The following AMBN variants were observed in gnomAD, a reference collection of about 807,000 sequenced individuals.
AMBN encodes enamel matrix protein.
In AMBN, 54 loss-of-function variants were observed where a neutral mutation model predicts 48.0. That is an observed-to-expected ratio of 1.12 (90% CI 0.90 to 1.41). AMBN has a LOEUF of 1.41. Ranked by LOEUF, AMBN falls within the 40% of genes most tolerant of loss-of-function variation. The probability of loss-of-function intolerance (pLI) is 0.00; values close to 1 mark genes in which losing one functional copy is unlikely to be tolerated. For missense variants in AMBN, 571 were observed against 547.3 expected (o/e 1.04, Z -0.43); for synonymous variants, 186 against 190.0 (o/e 0.98, Z 0.17).
intron 9 of AMBN, 72 bp from the exon 10 acceptor site, chr4:70,603,188 A>G: frequency 6.7e-7 from 1 of 1,485,490 alleles, no homozygotes; most frequent in South Asian, 1.2e-5. Flanking sequence ...AATGTGTTTC[A>G]TATACCTCAA....
In AMBN at chr4:70,599,601, T is replaced by G; in HGVS notation, c.249T>G (p.His83Gln). The G allele has an allele frequency of 6.2e-7, 1 of 1,613,698 alleles. No individual in the cohort carries two copies. Among genetic ancestry groups the G allele is most frequent in the East Asian group, 2.2e-5 (1 of 44,810 alleles). ...GGATGCACGGTCTCCTCCCACCACA[T>G]TCCTCTCTTCCATGGATGAGGCCAA... is the stretch of plus-strand genomic sequence containing the variant. Reference protein sequence around the residue: ...SLWMHGLLPPHSSLPWMRPRE... With the variant: ...SLWMHGLLPPQSSLPWMRPRE... The change falls in exon 5 of 13, where the codon CAT (histidine) becomes CAG (glutamine). Residue 83 changes from histidine (H) to glutamine (Q), a missense_variant. By Grantham distance (24) the His-to-Gln change is conservative (BLOSUM62 0). Transcript: ENST00000322937.
intron 11 of AMBN, 47 bp from the exon 12 acceptor site, chr4:70,603,830 A>G (rs1224388572): frequency 1.2e-6 from 2 of 1,602,544 alleles, no homozygotes; most frequent in African/African-American, 2.7e-5. Flanking sequence ...TGAGTAGATA[A>G]GAAGGTAGCT....
chr4:70,605,499 C>T (rs1471588857), intron 12 of AMBN, among the ~76,000 whole-genome samples: 3 of 152,140 alleles, frequency 2.0e-5, no homozygotes, highest in African/African-American at 2.4e-5. Context: ...TTTTGGACCC[C>T]ATATTTCTGG....
intron 2 of AMBN, among the ~76,000 whole-genome samples, chr4:70,596,405 A>G (rs1320326933): frequency 6.6e-6 from 1 of 152,040 alleles, no homozygotes; most frequent in Non-Finnish European, 1.5e-5. Context: ...AATGCTTTTT[A>G]TTTAAGGGAA....
At chr4:70,599,090 A>T (rs1392239079) in intron 4 of AMBN, among the ~76,000 whole-genome samples, 4 of 151,368 alleles carry the variant, frequency 2.6e-5, no homozygotes, top group Non-Finnish European at 5.9e-5. Context: ...TATCCATTTT[A>T]AATTAACCAA....
At chr4:70,602,529 ATCAGT>A (rs1485080739) in intron 6 of AMBN, 90 bp from the exon 7 acceptor site, 4 of 822,944 alleles carry the variant, frequency 4.9e-6, no homozygotes, top group Non-Finnish European at 7.6e-6. Context: ...TAAGGATGTG[ATCAGT>A]TCACTTTGTC....
chr4:70,593,066 G>A (rs900167861), intron 1 of AMBN, among the ~76,000 whole-genome samples: 1 of 152,128 alleles, frequency 6.6e-6, no homozygotes, highest in Non-Finnish European at 1.5e-5. Context: ...ATCGATGGAG[G>A]TTGTTCCTAC....
chr4:70,601,440 A>C lies in AMBN; in HGVS notation c.317A>C (p.His106Pro), dbSNP rs371948350. The change falls in exon 6 of 13, where the codon CAT becomes CCT. Residue 106 changes from histidine (H) to proline (P), a missense_variant. Coordinates refer to ENST00000322937, the MANE Select transcript of AMBN (RefSeq NM_016519.6). ...CAGTATGAATATTCTTTGCCTGTGC[A>C]TCCCCCACCTCTCCCATCACAGCCA... ...TQQYEYSLPV[H>P]PPPLPSQPSL... 32 of 1,614,068 alleles carry C rather than the reference A, an allele frequency of 2.0e-5. No individual in the cohort carries two copies. The highest frequency in any genetic ancestry group is 2.6e-5 in the Non-Finnish European group (31 of 1,179,966).
At chr4:70,598,325 TA>T in intron 3 of AMBN, 30 bp from the exon 4 acceptor site, 2 of 1,541,212 alleles carry the variant, frequency 1.3e-6, no homozygotes, top group Middle Eastern at 1.7e-4. Context: ...GCATATGCGA[TA>T]AACAGTAACC....
At position 70,606,764 on chromosome 4, in the gene AMBN, C is replaced by G. The variant is rs756062120; in HGVS notation, c.*34C>G. On this transcript the variant is annotated 3_prime_UTR_variant, in exon 13 of 13. Coordinates refer to ENST00000322937, the MANE Select transcript of AMBN (RefSeq NM_016519.6). ...AGATATTAGCTACTTTCTGTATGCA[C>G]AAGCTTCCCAGCTTTGTCCCCACAG... 11 of 1,572,736 alleles carry G rather than the reference C, an allele frequency of 7.0e-6. No homozygotes were observed. The highest frequency in any genetic ancestry group is 3.6e-5 in the Admixed American group (2 of 55,326).
intron 5 of AMBN, among the ~76,000 whole-genome samples, chr4:70,600,949 C>A (rs1478656211): frequency 6.6e-6 from 1 of 152,030 alleles, no homozygotes; most frequent in African/African-American, 2.4e-5. Context: ...TTCATTAACT[C>A]GAAAAATATA....
At position 70,597,059 on chromosome 4, in the gene AMBN, G is replaced by T. The variant is rs1243561930; in HGVS notation, c.135+10G>T. On this transcript the variant is annotated intron_variant, in intron 3 of 12. Coordinates refer to ENST00000322937, the MANE Select transcript of AMBN (RefSeq NM_016519.6). ...TAGTTTGAGCCTTGAGGTATGTATTGTCAGAATTTTTAACATATTAACTTT... is the reference window on the plus strand; with the variant it reads ...TAGTTTGAGCCTTGAGGTATGTATTTTCAGAATTTTTAACATATTAACTTT... 6.2e-7 allele frequency: 1 copy of T among 1,609,992 alleles called. No individual in the cohort carries two copies. Among genetic ancestry groups the T allele is most frequent in the East Asian group, 2.2e-5 (1 of 44,804 alleles).
chr4:70,598,928 C>T (rs1233805280), intron 4 of AMBN, among the ~76,000 whole-genome samples: 4 of 150,792 alleles, frequency 2.7e-5, no homozygotes, highest in Non-Finnish European at 5.9e-5. Flanking sequence ...GCATCTGCCA[C>T]CACGCCAGGC....
chr4:70,593,244 C>T (rs2109798529), intron 1 of AMBN, 83 bp from the exon 2 acceptor site: 1 of 1,133,848 alleles, frequency 8.8e-7, no homozygotes. Flanking sequence ...AGCAGAGACT[C>T]AGGCTCATTT....
chr4:70,596,777 A>G (rs1737392840), intron 2 of AMBN, among the ~76,000 whole-genome samples: 1 of 152,244 alleles, frequency 6.6e-6, no homozygotes, highest in Admixed American at 6.5e-5. Flanking sequence ...GACAAAGGAT[A>G]GATGATGCAG....
At chr4:70,594,057 T>A (rs1577953295) in intron 2 of AMBN, among the ~76,000 whole-genome samples, 2 of 152,266 alleles carry the variant, frequency 1.3e-5, no homozygotes, top group South Asian at 4.1e-4. Context: ...AAAGAGGAAA[T>A]TTCTTTGAAA....
In AMBN at chr4:70,601,467, C is replaced by T. The variant is rs923036124; in HGVS notation, c.344C>T (p.Ser115Phe). 1 of 1,614,196 alleles carries T rather than the reference C, an allele frequency of 6.2e-7. No homozygotes were observed. Among genetic ancestry groups the T allele is most frequent in the Non-Finnish European group, 8.5e-7 (1 of 1,180,008 alleles). Residue 115 changes from serine to phenylalanine, a missense_variant, in exon 6 of 13, where the codon TCC becomes TTC. By Grantham distance (155) the Ser-to-Phe change is radical (BLOSUM62 -2). Transcript: ENST00000322937. The part of the protein sequence containing the change: ...VHPPPLPSQP[S>F]LKPQQPGLKP... ...CCCCCACCTCTCCCATCACAGCCAT[C>T]CTTGAAGCCTCAACAGCCAGGACTG...
chr4:70,596,749 A>G (rs1737392051), intron 2 of AMBN, among the ~76,000 whole-genome samples: 1 of 152,248 alleles, frequency 6.6e-6, no homozygotes, highest in African/African-American at 2.4e-5. Flanking sequence ...TTTTAAAGCA[A>G]TGAAGCATTA....
intron 11 of AMBN, among the ~76,000 whole-genome samples, 190 bp from the exon 12 acceptor site, chr4:70,603,687 A>G (rs1394511403): frequency 6.6e-6 from 1 of 152,082 alleles, no homozygotes; most frequent in Non-Finnish European, 1.5e-5. Context: ...TATTAAAGAA[A>G]AAACAAATTT....
Sources: allele counts gnomAD v4.1 joint callset (sites outside exome capture counted in the v4.1 genomes callset), GRCh38; gene constraint gnomAD v4.1.1; transcripts MANE v1.5; gene names NCBI Gene and HGNC (gene_info 2026-07-23, HGNC 2026-07-21).